Variants in NLGN1 observed in about 807,000 individuals in gnomAD.
NLGN1 encodes the protein neuroligin-1.
Under a neutral mutation model 65.5 loss-of-function variants are expected in NLGN1, and 12 were observed. That is an observed-to-expected ratio of 0.18 (90% CI 0.12 to 0.30). The LOEUF (loss-of-function observed/expected upper bound fraction) is 0.30. Ranked by LOEUF, NLGN1 falls within the 10% of genes least tolerant of loss-of-function variation. NLGN1 has a pLI of 1.00. For synonymous variants in NLGN1, 350 were observed against 359.5 expected (o/e 0.97, Z 0.30); for missense variants, 750 against 1,007.1 (o/e 0.74, Z 3.46).
intron 4 of NLGN1, among the ~76,000 whole-genome samples, chr3:174,000,269 C>G (rs1723026622): frequency 6.6e-6 from 1 of 151,974 alleles, no homozygotes; most frequent in Admixed American, 6.6e-5. Context: ...ATTTTTGCAC[C>G]TTCACATCCA....
intron 2 of NLGN1, among the ~76,000 whole-genome samples, chr3:173,551,886 T>G (rs1740929745): frequency 6.6e-6 from 1 of 152,196 alleles, no homozygotes; most frequent in Non-Finnish European, 1.5e-5. Context: ...TTACATGAGG[T>G]GGACACTCAA....
chr3:173,472,248 A>G (rs1725436525), intron 2 of NLGN1, among the ~76,000 whole-genome samples: 1 of 152,094 alleles, frequency 6.6e-6, no homozygotes, highest in African/African-American at 2.4e-5. Flanking sequence ...AAATTTGACC[A>G]CAAACATATT....
chr3:173,627,059 A>G lies in NLGN1; in HGVS notation c.493+21968A>G, dbSNP rs139485106. Among the ~76,000 whole-genome samples, 321 of 152,220 alleles carry G rather than the reference A, an allele frequency of 2.1e-3. 2 individuals are homozygous for G. Among genetic ancestry groups the G allele is most frequent in the African/African-American group, 7.4e-3 (309 of 41,564 alleles). On this transcript the variant is annotated intron_variant, in intron 3 of 6. Transcript: ENST00000457714. ...AGTAAACTACGTCCTCAAAAGTGAT[A>G]TAATTTTTCTTTCCCTTTGTTCTTT...
intron 4 of NLGN1, among the ~76,000 whole-genome samples, chr3:174,150,794 G>T (rs1248430667): frequency 6.6e-6 from 1 of 152,118 alleles, no homozygotes; most frequent in East Asian, 1.9e-4. Context: ...CGTAATGTTG[G>T]AGAATACAGT....
At chr3:173,611,946 T>A (rs1473848434) in intron 3 of NLGN1, among the ~76,000 whole-genome samples, 1 of 152,068 alleles carries the variant, frequency 6.6e-6, no homozygotes, top group African/African-American at 2.4e-5. Context: ...TATCTTTCCT[T>A]ATTTATTCTT....
In NLGN1 at chr3:174,265,974, A is replaced by ATATATATG. The variant is rs920210800; in HGVS notation, c.647-9325_647-9318dup. Among the ~76,000 whole-genome samples, 28 of 147,676 alleles carry ATATATATG rather than the reference A, an allele frequency of 1.9e-4. 1 individual carries two copies. In the South Asian group the frequency reaches 5.5e-3, roughly 29 times the overall value. ...TGTATGTGTATATATGTGTATAAGT[A>ATATATATG]TATATATGTATATATGTATATATAT... On this transcript the variant is annotated intron_variant, in intron 4 of 6. Transcript: ENST00000457714.
At chr3:174,134,543 C>T (rs1379935564) in intron 4 of NLGN1, among the ~76,000 whole-genome samples, 2 of 152,104 alleles carry the variant, frequency 1.3e-5, no homozygotes, top group African/African-American at 4.8e-5. Flanking sequence ...AGACTTTATA[C>T]TGAAGGACTA....
chr3:173,837,045 G>A (rs1185828664), intron 4 of NLGN1, among the ~76,000 whole-genome samples: 1 of 152,116 alleles, frequency 6.6e-6, no homozygotes, highest in African/African-American at 2.4e-5. Context: ...CATAATAGAT[G>A]TTAATACCTG....
chr3:173,598,365 G>A (rs1749860744), intron 2 of NLGN1, among the ~76,000 whole-genome samples: 1 of 152,042 alleles, frequency 6.6e-6, no homozygotes, highest in African/African-American at 2.4e-5. Flanking sequence ...AACTTTAATT[G>A]CTTTCTCTTT....
intron 2 of NLGN1, among the ~76,000 whole-genome samples, chr3:173,469,023 T>G (rs1314388628): frequency 6.6e-6 from 1 of 152,076 alleles, no homozygotes; most frequent in Admixed American, 6.6e-5. Flanking sequence ...TTTTGTAATA[T>G]CTGTTCTGTC....
At chr3:174,068,606 T>C (rs1220752455) in intron 4 of NLGN1, among the ~76,000 whole-genome samples, 1 of 152,098 alleles carries the variant, frequency 6.6e-6, no homozygotes, top group East Asian at 1.9e-4. Flanking sequence ...TATTATTTGC[T>C]TAACAGAAAT....
At chr3:173,572,980 C>T (rs1744888720) in intron 2 of NLGN1, among the ~76,000 whole-genome samples, 1 of 152,142 alleles carries the variant, frequency 6.6e-6, no homozygotes, top group South Asian at 2.1e-4. Flanking sequence ...TTATTTCTGC[C>T]TCACAAGAAG....
At chr3:173,795,376 T>A (rs1342397055) in intron 3 of NLGN1, among the ~76,000 whole-genome samples, 1 of 152,128 alleles carries the variant, frequency 6.6e-6, no homozygotes, top group Non-Finnish European at 1.5e-5. Context: ...GAAAGAAAAT[T>A]ATTTTTCAGC....
At chr3:173,990,881 A>AT (rs954332739) in intron 4 of NLGN1, among the ~76,000 whole-genome samples, 1 of 152,148 alleles carries the variant, frequency 6.6e-6, no homozygotes, top group African/African-American at 2.4e-5. Flanking sequence ...TTATTAAAAC[A>AT]TTTTTTCTAA....
chr3:173,667,448 C>T (rs1389679789), intron 3 of NLGN1, among the ~76,000 whole-genome samples: 1 of 152,092 alleles, frequency 6.6e-6, no homozygotes, highest in Non-Finnish European at 1.5e-5. Flanking sequence ...CACCCAGATT[C>T]CCTGAAGGTA....
rs374746232 is a variant in NLGN1, at chr3:173,556,781, G to C, written c.-320-47498G>C. Among the ~76,000 whole-genome samples the C allele has an allele frequency of 1.1e-4, 17 of 148,440 alleles. 1 individual carries two copies. The highest frequency in any genetic ancestry group is 2.0e-4 in the Admixed American group (3 of 14,724). On this transcript the variant is annotated intron_variant, in intron 2 of 6. Transcript: ENST00000457714. ...ATTGCACCACTGCACTCCAGCCTGG[G>C]TGACAGAGCGAGGACCTGTCTCAAA... is the stretch of plus-strand genomic sequence containing the variant.
intron 4 of NLGN1, among the ~76,000 whole-genome samples, chr3:173,996,113 T>C (rs766716442): frequency 1.3e-5 from 2 of 152,220 alleles, no homozygotes; most frequent in Non-Finnish European, 2.9e-5. Flanking sequence ...TTGCCATTTT[T>C]CAAAATTACA....
chr3:174,001,842 T>G (rs943551513), intron 4 of NLGN1, among the ~76,000 whole-genome samples: 2 of 152,082 alleles, frequency 1.3e-5, no homozygotes, highest in Non-Finnish European at 2.9e-5. Flanking sequence ...CATTTGCCAA[T>G]TTCTGGAGAT....
chr3:173,606,941 G>A (rs1220983574), intron 3 of NLGN1, among the ~76,000 whole-genome samples: 3 of 151,876 alleles, frequency 2.0e-5, no homozygotes, highest in Non-Finnish European at 4.4e-5. Context: ...TAGTTATTAT[G>A]ATGCAGCTTA....
Sources: allele counts gnomAD v4.1 joint callset (sites outside exome capture counted in the v4.1 genomes callset), GRCh38; gene constraint gnomAD v4.1.1; transcripts MANE v1.5; gene names NCBI Gene and HGNC (gene_info 2026-07-23, HGNC 2026-07-21).